SPINK9: variants seen among roughly 807,000 people sequenced by gnomAD.
SPINK9 encodes serine peptidase inhibitor Kazal type 9.
In SPINK9, 3 loss-of-function variants were observed where a neutral mutation model predicts 10.8. The observed-to-expected ratio is 0.28, with a 90% CI of 0.13 to 0.72. The LOEUF (loss-of-function observed/expected upper bound fraction) is 0.72, where lower values mean the gene tolerates loss of function less well. Among genes scored for constraint, SPINK9 ranks in the 30% least tolerant of loss-of-function variants. The pLI, the probability that SPINK9 is intolerant of heterozygous loss-of-function variation, is 0.74. For synonymous variants in SPINK9, 30 were observed against 31.2 expected, an observed-to-expected ratio of 0.96 and a Z score of 0.12; for missense variants, 101 against 103.2, an observed-to-expected ratio of 0.98 and a Z score of 0.09.
At chr5:148,334,390 G>A (rs1757188387), upstream of SPINK9, among the ~76,000 whole-genome samples, 1 of 152,122 alleles carries the variant, frequency 6.6e-6, no homozygotes, top group Non-Finnish European at 1.5e-5. Flanking sequence ...GGGTCCAGAG[G>A]ACCTTAAATA....
At chr5:148,331,014 T>C (rs930456893), upstream of SPINK9, among the ~76,000 whole-genome samples, 4 of 152,222 alleles carry the variant, frequency 2.6e-5, no homozygotes, top group Non-Finnish European at 5.9e-5. Context: ...GGAAAGGGAA[T>C]TCCCTGACCC....
upstream of SPINK9, among the ~76,000 whole-genome samples, chr5:148,333,339 G>T (rs78578589): frequency 5.6e-3 from 855 of 152,334 alleles, 34 homozygotes; most frequent in East Asian, 0.1. Context: ...GTGCAGGAAA[G>T]AATTCAAGGG....
chr5:148,325,601 A>C (rs61411944), intron 2 of SPINK9, among the ~76,000 whole-genome samples: 3,526 of 152,068 alleles, frequency 0.023, 151 homozygotes, highest in East Asian at 0.17. Flanking sequence ...CTCATTTTTA[A>C]TCAGATTTAT....
intron 2 of SPINK9, among the ~76,000 whole-genome samples, chr5:148,329,147 G>A (rs961187597): frequency 6.6e-6 from 1 of 151,960 alleles, no homozygotes; most frequent in Admixed American, 6.5e-5. Flanking sequence ...ACTTTTTTTT[G>A]TTTGGTAAGC....
At chr5:148,327,514 T>C (rs574283581) in intron 2 of SPINK9, among the ~76,000 whole-genome samples, 1 of 152,146 alleles carries the variant, frequency 6.6e-6, no homozygotes, top group African/African-American at 2.4e-5. Flanking sequence ...GTTTAATTAG[T>C]TGCCATTTGT....
chr5:148,327,755 AAT>A (rs1757084997), intron 2 of SPINK9, among the ~76,000 whole-genome samples: 1 of 151,692 alleles, frequency 6.6e-6, no homozygotes, highest in African/African-American at 2.4e-5. Context: ...CCATTTATTA[AAT>A]AGGGAATCCT....
chr5:148,337,799 G>A (rs1017003815), intron 2 of SPINK9, among the ~76,000 whole-genome samples: 13 of 152,128 alleles, frequency 8.5e-5, no homozygotes, highest in African/African-American at 2.4e-4. Flanking sequence ...CATAGAATTT[G>A]CATTCAGATG....
intron 1 of SPINK9, among the ~76,000 whole-genome samples, chr5:148,323,004 A>C (rs1757015965): frequency 6.6e-6 from 1 of 152,214 alleles, no homozygotes; most frequent in Admixed American, 6.5e-5. Flanking sequence ...ATTTAAAAAT[A>C]GTTATTGCTG....
intron 2 of SPINK9, among the ~76,000 whole-genome samples, chr5:148,324,866 C>T (rs1757039451): frequency 6.6e-6 from 1 of 151,936 alleles, no homozygotes; most frequent in African/African-American, 2.4e-5. Flanking sequence ...GCAATCATCA[C>T]CGCTATCTAA....
chr5:148,334,069 T>C (rs78873024), upstream of SPINK9, among the ~76,000 whole-genome samples: 844 of 152,002 alleles, frequency 5.6e-3, 32 homozygotes, highest in East Asian at 0.1. Context: ...TGGGGATTTA[T>C]AGCCAAGAAG....
At chr5:148,327,198 G>A (rs560154531) in intron 2 of SPINK9, among the ~76,000 whole-genome samples, 11 of 152,224 alleles carry the variant, frequency 7.2e-5, no homozygotes, top group East Asian at 1.9e-4. Flanking sequence ...TTCAATGATC[G>A]CCATTCTAAC....
chr5:148,331,404 T>C (rs184737905), upstream of SPINK9, among the ~76,000 whole-genome samples: 58 of 152,332 alleles, frequency 3.8e-4, no homozygotes, highest in Admixed American at 2.5e-3. Context: ...ATCTCACTTA[T>C]ATGTGGAATC....
At chr5:148,324,415 A>C (rs1757032914) in intron 2 of SPINK9, among the ~76,000 whole-genome samples, 1 of 152,134 alleles carries the variant, frequency 6.6e-6, no homozygotes, top group Non-Finnish European at 1.5e-5. Context: ...TAGAAAAATC[A>C]TTCAGACACT....
At chr5:148,334,568 A>C (rs1159078175), upstream of SPINK9, among the ~76,000 whole-genome samples, 1 of 152,106 alleles carries the variant, frequency 6.6e-6, no homozygotes, top group East Asian at 1.9e-4. Context: ...AAAATTAGCC[A>C]GGTGTGGTGG....
chr5:148,324,693 C>T (rs1436851528), intron 2 of SPINK9, among the ~76,000 whole-genome samples: 1 of 151,590 alleles, frequency 6.6e-6, no homozygotes, highest in Non-Finnish European at 1.5e-5. Flanking sequence ...CATGATAATG[C>T]ATGATCCTGA....
chr5:148,335,585 C>T lies in SPINK9; in HGVS notation c.-29C>T, dbSNP rs762854406. 4 of 1,611,368 alleles carry T rather than the reference C, an allele frequency of 2.5e-6. No homozygotes were observed. In the Admixed American group the frequency reaches 6.7e-5, roughly 27 times the overall value. ...GACACCAGGTCACTTCTTTTCCCTA[C>T]ATCTGACTGCCTTGGCCACTTCAGT... On this transcript the variant is annotated 5_prime_UTR_variant, in exon 1 of 4. Coordinates refer to ENST00000377906, the MANE Select transcript of SPINK9 (RefSeq NM_001040433.2).
chr5:148,337,651 G>T (rs987491032), intron 2 of SPINK9, among the ~76,000 whole-genome samples: 1 of 151,832 alleles, frequency 6.6e-6, no homozygotes, highest in African/African-American at 2.4e-5. Context: ...TATTTTCCAT[G>T]CAATGTAGTG....
chr5:148,334,028 T>A (rs146824353), upstream of SPINK9, among the ~76,000 whole-genome samples: 140 of 152,072 alleles, frequency 9.2e-4, 1 homozygote, highest in African/African-American at 3.2e-3. Context: ...AAAGAGAGAT[T>A]GGGCTCAACT....
At chr5:148,334,270 A>G (rs1327931261), upstream of SPINK9, among the ~76,000 whole-genome samples, 1 of 152,070 alleles carries the variant, frequency 6.6e-6, no homozygotes, top group Non-Finnish European at 1.5e-5. Flanking sequence ...GATGATTATG[A>G]TTTAGTAGGA....
Sources: gnomAD v4.1 joint callset for allele counts (sites outside exome capture counted in the v4.1 genomes callset) on GRCh38, gnomAD v4.1.1 for gene constraint, MANE v1.5 for transcripts, NCBI Gene and HGNC (gene_info 2026-07-23, HGNC 2026-07-21) for gene names.